Variants in PTPRD observed in about 807,000 individuals in gnomAD.
PTPRD encodes protein tyrosine phosphatase receptor type D.
Under a neutral mutation model 214.5 loss-of-function variants are expected in PTPRD, and 34 were observed. That is an observed-to-expected ratio of 0.16 (90% confidence interval 0.12 to 0.21). PTPRD has a LOEUF of 0.21. Among genes scored for constraint, PTPRD ranks in the 10% least tolerant of loss-of-function variants. PTPRD has a pLI of 1.00. For synonymous variants in PTPRD, 1,128 were observed against 845.7 expected (o/e 1.33, Z -5.79); for missense variants, 2,545 against 2,398.7 (o/e 1.06, Z -1.27).
chr9:8,729,277 T>C (rs1390627100), intron 12 of PTPRD, among the ~76,000 whole-genome samples: 1 of 152,142 alleles, frequency 6.6e-6, no homozygotes, highest in Non-Finnish European at 1.5e-5. Context: ...TAGACTAAAG[T>C]AGATATGCTT....
At chr9:10,501,949 G>C (rs978211461) in intron 2 of PTPRD, among the ~76,000 whole-genome samples, 6 of 151,862 alleles carry the variant, frequency 4.0e-5, no homozygotes, top group Admixed American at 3.9e-4. Flanking sequence ...GTCCATTATA[G>C]AGTTTTGACA....
At chr9:8,765,985 T>C (rs1565894888) in intron 11 of PTPRD, among the ~76,000 whole-genome samples, 1 of 152,028 alleles carries the variant, frequency 6.6e-6, no homozygotes, top group Non-Finnish European at 1.5e-5. Flanking sequence ...AAACAGGTAG[T>C]TCTAAACCTG....
intron 4 of PTPRD, among the ~76,000 whole-genome samples, chr9:10,023,855 C>T (rs2154121813): frequency 6.6e-6 from 1 of 152,066 alleles, no homozygotes; most frequent in South Asian, 2.1e-4. Flanking sequence ...AGTGTTTCTT[C>T]TCAAAAATGC....
chr9:8,644,819 C>T (rs1416960836), intron 12 of PTPRD, among the ~76,000 whole-genome samples: 1 of 152,212 alleles, frequency 6.6e-6, no homozygotes, highest in African/African-American at 2.4e-5. Flanking sequence ...CTTGCCATTC[C>T]ATGCCTGACT....
At position 10,402,822 on chromosome 9, in the gene PTPRD, C is replaced by A. The variant is rs560427521; in HGVS notation, c.-599-61805G>T. ...ATCTAATGTGGGAAAAATACCAAGG[C>A]CTCTCTTTCTTTCAAAACCATGAAT... On this transcript the variant is annotated intron_variant, in intron 2 of 45. Transcript: ENST00000381196. Among the ~76,000 whole-genome samples, 6 of 151,696 alleles carry A rather than the reference C, an allele frequency of 4.0e-5. No individual in the cohort carries two copies. The South Asian group carries it at 1.2e-3, about 31-fold the overall frequency.
chr9:9,425,690 T>C lies in PTPRD; in HGVS notation c.-236-28208A>G, dbSNP rs189564192. ...TTATACTTGAAATTACATTTAACAA[T>C]GATGCAGATATAGTTTTGAGCAAAG... On this transcript the variant is annotated intron_variant, in intron 8 of 45. Transcript: ENST00000381196. Among the ~76,000 whole-genome samples the C allele has an allele frequency of 1.1e-3, 163 of 151,926 alleles. 1 individual carries two copies. The highest frequency in any genetic ancestry group is 3.7e-3 in the African/African-American group (154 of 41,504).
intron 2 of PTPRD, among the ~76,000 whole-genome samples, chr9:10,449,806 G>A (rs1446458334): frequency 5.9e-5 from 9 of 151,640 alleles, no homozygotes; most frequent in Non-Finnish European, 1.0e-4. Context: ...AGAAAAGGGG[G>A]AAATGTGGGG....
At chr9:10,033,430 T>A (rs1178059404) in intron 4 of PTPRD, among the ~76,000 whole-genome samples, 1 of 151,994 alleles carries the variant, frequency 6.6e-6, no homozygotes, top group African/African-American at 2.4e-5. Flanking sequence ...ATTCTAAAAA[T>A]TAGCTAAAAG....
chr9:10,589,939 T>A (rs372090593), intron 2 of PTPRD, among the ~76,000 whole-genome samples: 3 of 152,114 alleles, frequency 2.0e-5, no homozygotes, highest in Non-Finnish European at 4.4e-5. Flanking sequence ...AATTTGTTAT[T>A]ACTATTAATA....
chr9:10,452,704 G>C (rs2098850559), intron 2 of PTPRD, among the ~76,000 whole-genome samples: 1 of 151,704 alleles, frequency 6.6e-6, no homozygotes, highest in African/African-American at 2.4e-5. Flanking sequence ...AGTTGTATGA[G>C]TTTCTTATAT....
intron 5 of PTPRD, among the ~76,000 whole-genome samples, chr9:9,824,634 G>A (rs1174285758): frequency 1.3e-5 from 2 of 151,882 alleles, no homozygotes; most frequent in South Asian, 2.1e-4. Context: ...AAAACAACTG[G>A]AACATATTTC....
chr9:9,225,243 G>T (rs958731160), intron 9 of PTPRD, among the ~76,000 whole-genome samples: 1 of 151,958 alleles, frequency 6.6e-6, no homozygotes, highest in Admixed American at 6.6e-5. Context: ...TTTAAATTAT[G>T]TCTATGATTA....
chr9:8,938,495 A>G (rs529379559), intron 11 of PTPRD, among the ~76,000 whole-genome samples: 5 of 152,278 alleles, frequency 3.3e-5, no homozygotes, highest in African/African-American at 1.2e-4. Flanking sequence ...TGAGCTTGTC[A>G]GGGTGTGTGC....
At chr9:9,823,293 G>A (rs1425768409) in intron 5 of PTPRD, among the ~76,000 whole-genome samples, 1 of 152,098 alleles carries the variant, frequency 6.6e-6, no homozygotes, top group Non-Finnish European at 1.5e-5. Context: ...CAAAGGGGGA[G>A]CAGGCACATC....
chr9:9,162,395 A>T (rs1457385884), intron 10 of PTPRD, among the ~76,000 whole-genome samples: 1 of 152,084 alleles, frequency 6.6e-6, no homozygotes, highest in East Asian at 1.9e-4. Flanking sequence ...TCCCCCTCAG[A>T]TCCAGAAGAT....
intron 11 of PTPRD, among the ~76,000 whole-genome samples, chr9:8,927,930 G>A (rs932912609): frequency 6.6e-6 from 1 of 152,066 alleles, no homozygotes. Context: ...TCTCATTGTG[G>A]TTTTGATTTG....
chr9:10,114,605 T>C (rs1413259019), intron 3 of PTPRD, among the ~76,000 whole-genome samples: 4 of 152,110 alleles, frequency 2.6e-5, no homozygotes, highest in African/African-American at 9.7e-5. Flanking sequence ...CATGCATACA[T>C]ATATTTGTGC....
At chr9:10,013,829 A>G (rs1194350075) in intron 4 of PTPRD, among the ~76,000 whole-genome samples, 2 of 151,974 alleles carry the variant, frequency 1.3e-5, no homozygotes, top group Non-Finnish European at 1.5e-5. Flanking sequence ...ATAATGTTCT[A>G]GAATTTGATA....
intron 8 of PTPRD, among the ~76,000 whole-genome samples, chr9:9,566,485 C>T (rs1298427865): frequency 2.0e-5 from 3 of 151,830 alleles, no homozygotes; most frequent in Non-Finnish European, 2.9e-5. Flanking sequence ...AATGGTTTGC[C>T]TAGGATATCA....
Sources: allele counts gnomAD v4.1 joint callset (sites outside exome capture counted in the v4.1 genomes callset), GRCh38; gene constraint gnomAD v4.1.1; transcripts MANE v1.5; gene names NCBI Gene and HGNC (gene_info 2026-07-23, HGNC 2026-07-21).